Variants in GPC6 observed in about 807,000 individuals in gnomAD.
GPC6 encodes glypican 6.
Under a neutral mutation model 55.2 loss-of-function variants are expected in GPC6, and 14 were observed. The ratio of observed to expected loss-of-function variants is 0.25; its 90% CI spans 0.17 to 0.40. The LOEUF (loss-of-function observed/expected upper bound fraction) is 0.40, where lower values mean the gene tolerates loss of function less well. Among genes scored for constraint, GPC6 ranks in the 10% least tolerant of loss-of-function variants. The probability of loss-of-function intolerance (pLI) is 1.00; values close to 1 mark genes in which losing one functional copy is unlikely to be tolerated. For synonymous variants in GPC6, 278 were observed against 259.6 expected (o/e 1.07, Z -0.68); for missense variants, 641 against 708.5 (o/e 0.90, Z 1.08).
intron 2 of GPC6, among the ~76,000 whole-genome samples, chr13:93,670,723 C>T (rs1382273719): frequency 6.6e-6 from 1 of 152,220 alleles, no homozygotes; most frequent in East Asian, 1.9e-4. Context: ...ACTGCTCTCA[C>T]TCAGTAACGG....
intron 2 of GPC6, among the ~76,000 whole-genome samples, chr13:93,739,978 G>A (rs918756614): frequency 6.6e-6 from 1 of 152,110 alleles, no homozygotes; most frequent in Admixed American, 6.5e-5. Flanking sequence ...ATTGTATGGG[G>A]CAGTCAGAGA....
At chr13:93,329,861 G>T (rs1317707098) in intron 1 of GPC6, among the ~76,000 whole-genome samples, 1 of 151,550 alleles carries the variant, frequency 6.6e-6, no homozygotes, top group African/African-American at 2.4e-5. Context: ...AACCCTTGTT[G>T]CAAAGGATTA....
chr13:94,366,707 A>G (rs1196169392), intron 6 of GPC6, among the ~76,000 whole-genome samples: 1 of 152,232 alleles, frequency 6.6e-6, no homozygotes, highest in Non-Finnish European at 1.5e-5. Flanking sequence ...TTCTGCCTCT[A>G]TACAGCAAAA....
intron 3 of GPC6, among the ~76,000 whole-genome samples, chr13:93,862,416 G>A (rs1229405261): frequency 6.6e-6 from 1 of 151,258 alleles, no homozygotes; most frequent in African/African-American, 2.4e-5. Flanking sequence ...GTTACATCGG[G>A]GGCTACTGGA....
At chr13:93,785,506 C>T (rs76454116) in intron 2 of GPC6, among the ~76,000 whole-genome samples, 17 of 151,992 alleles carry the variant, frequency 1.1e-4, no homozygotes, top group African/African-American at 3.9e-4. Flanking sequence ...ACAGATGGTA[C>T]GTAGATCACG....
intron 3 of GPC6, among the ~76,000 whole-genome samples, chr13:93,835,609 G>C (rs112062541): frequency 6.6e-6 from 1 of 152,048 alleles, no homozygotes; most frequent in African/African-American, 2.4e-5. Context: ...AAAATTAGCC[G>C]GGTGTGGTGG....
chr13:93,522,139 A>AC (rs577675994), intron 1 of GPC6, among the ~76,000 whole-genome samples: 131 of 151,962 alleles, frequency 8.6e-4, no homozygotes, highest in African/African-American at 3.1e-3. Context: ...TTCTAGGCAC[A>AC]CCCTCTGGGT....
At chr13:94,389,718 C>T (rs1419839300) in intron 7 of GPC6, among the ~76,000 whole-genome samples, 2 of 152,156 alleles carry the variant, frequency 1.3e-5, no homozygotes, top group Non-Finnish European at 1.5e-5. Context: ...GTCCCACTGG[C>T]ACACATGTTA....
At chr13:93,361,664 G>T (rs781408113) in intron 1 of GPC6, among the ~76,000 whole-genome samples, 2 of 152,118 alleles carry the variant, frequency 1.3e-5, no homozygotes, top group Non-Finnish European at 2.9e-5. Context: ...AGATGGAAAA[G>T]AATCCTGGTT....
chr13:93,839,112 G>A (rs1053555061), intron 3 of GPC6, among the ~76,000 whole-genome samples: 1 of 152,118 alleles, frequency 6.6e-6, no homozygotes, highest in Non-Finnish European at 1.5e-5. Context: ...AGTGGAAAGG[G>A]CAGAGAAAAC....
rs907854891 is a variant in GPC6 at position 94,406,599 on chromosome 13, C to T, written c.*3382C>T. On this transcript the variant is annotated 3_prime_UTR_variant, in exon 9 of 9. Coordinates refer to ENST00000377047, the MANE Select transcript of GPC6 (RefSeq NM_005708.5). ...TAGTAATAATTATAAAAGTAACATT[C>T]TTTAAAGCAAACACATTGAAAATAT... is the stretch of plus-strand genomic sequence containing the variant. 2 of 152,112 alleles carry T rather than the reference C, an allele frequency of 1.3e-5. No homozygotes were observed. Among genetic ancestry groups the T allele is most frequent in the African/African-American group, 4.8e-5 (2 of 41,444 alleles). The allele number at this position is 152,112 out of a possible 1,614,324, so 9.4% of individuals were successfully genotyped here. A position where few individuals can be genotyped will look rare whatever the true frequency, so the allele number is the denominator to read the frequency against.
At chr13:94,390,444 C>T (rs1160307316) in intron 7 of GPC6, among the ~76,000 whole-genome samples, 3 of 152,102 alleles carry the variant, frequency 2.0e-5, no homozygotes, top group African/African-American at 7.2e-5. Context: ...GTTCCACAGG[C>T]TGTATAGGAA....
chr13:93,279,518 A>G (rs1449335164), intron 1 of GPC6, among the ~76,000 whole-genome samples: 1 of 152,222 alleles, frequency 6.6e-6, no homozygotes, highest in Non-Finnish European at 1.5e-5. Context: ...ACTTGATTGC[A>G]GAACTATCTT....
intron 3 of GPC6, among the ~76,000 whole-genome samples, chr13:93,848,103 T>A (rs1275247135): frequency 6.6e-6 from 1 of 152,172 alleles, no homozygotes; most frequent in Non-Finnish European, 1.5e-5. Flanking sequence ...AGCTACACAG[T>A]CATTTTCTCT....
chr13:94,110,206 T>C (rs1886193734), intron 4 of GPC6, among the ~76,000 whole-genome samples: 1 of 151,886 alleles, frequency 6.6e-6, no homozygotes, highest in African/African-American at 2.4e-5. Context: ...ATTATTCAGA[T>C]ATTTGGGGTG....
At chr13:94,377,136 A>G (rs977101345) in intron 6 of GPC6, among the ~76,000 whole-genome samples, 3 of 151,302 alleles carry the variant, frequency 2.0e-5, no homozygotes, top group Non-Finnish European at 4.4e-5. Flanking sequence ...GGACATAGGC[A>G]TGGGCAAGGA....
At chr13:93,986,557 A>C (rs1358480910) in intron 3 of GPC6, among the ~76,000 whole-genome samples, 1 of 152,162 alleles carries the variant, frequency 6.6e-6, no homozygotes, top group Non-Finnish European at 1.5e-5. Flanking sequence ...GGACCAAGAG[A>C]AGAAAAGTAA....
chr13:93,969,084 T>C (rs1880172914), intron 3 of GPC6, among the ~76,000 whole-genome samples: 1 of 152,138 alleles, frequency 6.6e-6, no homozygotes, highest in Non-Finnish European at 1.5e-5. Flanking sequence ...GCATGAATAA[T>C]CATCTAGCAC....
chr13:93,450,640 C>T (rs1244291957), intron 1 of GPC6: 1 of 493,610 alleles, frequency 2.0e-6, no homozygotes, highest in Non-Finnish European at 2.6e-6. Flanking sequence ...CCCTCAACTT[C>T]TGCATTTCCC....
Sources: allele counts gnomAD v4.1 joint callset (sites outside exome capture counted in the v4.1 genomes callset), GRCh38; gene constraint gnomAD v4.1.1; transcripts MANE v1.5; gene names NCBI Gene and HGNC (gene_info 2026-07-23, HGNC 2026-07-21).